CCND1: variants seen among roughly 807,000 people sequenced by gnomAD.
CCND1 encodes the protein G1/S-specific cyclin-D1.
In CCND1, 9 loss-of-function variants were observed where a neutral mutation model predicts 26.1. The ratio of observed to expected loss-of-function variants is 0.35; its 90% confidence interval spans 0.21 to 0.60. CCND1 has a LOEUF of 0.60. CCND1 is among the 20% of genes least tolerant of loss of function. The probability of loss-of-function intolerance (pLI) is 0.79; values close to 1 mark genes in which losing one functional copy is unlikely to be tolerated. For missense variants in CCND1, 335 were observed against 392.9 expected, an observed-to-expected ratio of 0.85 and a Z score of 1.25; for synonymous variants, 194 against 166.1, an observed-to-expected ratio of 1.17 and a Z score of -1.29.
chr11:69,653,802 T>C lies in CCND1; in HGVS notation c.*2520T>C. The C allele has an allele frequency of 3.3e-6, 1 of 304,674 alleles. No homozygotes were observed. The highest frequency in any genetic ancestry group is 6.1e-6 in the Non-Finnish European group (1 of 163,596). The allele number at this position is 304,674 out of a possible 1,614,324, so 18.9% of individuals were successfully genotyped here. On this transcript the variant is annotated 3_prime_UTR_variant, in exon 5 of 5. Coordinates refer to ENST00000227507, the MANE Select transcript of CCND1 (RefSeq NM_053056.3). The stretch of plus-strand genomic sequence containing the variant: ...TATTATTATTATAACAAGTGTGTCT[T>C]ACGTGCCACCACGGCGTTGTACCTG...
chr11:69,650,358 C>T (rs1240800038), intron 4 of CCND1, among the ~76,000 whole-genome samples: 14 of 152,336 alleles, frequency 9.2e-5, no homozygotes, highest in African/African-American at 2.6e-4. Flanking sequence ...CCTGGCTGGG[C>T]GTGGCGTTCC....
chr11:69,651,695 T>TA lies in CCND1; in HGVS notation c.*421dup, dbSNP rs981615909. ...GATTAGGTTCCATCCTTTACGTGTT[T>TA]AAAAAAAAGCATAAAAACATTTTAA... On this transcript the variant is annotated 3_prime_UTR_variant, in exon 5 of 5. Coordinates refer to ENST00000227507, the MANE Select transcript of CCND1 (RefSeq NM_053056.3). 5 of 237,520 alleles carry TA rather than the reference T, an allele frequency of 2.1e-5. No homozygotes were observed. Among genetic ancestry groups the TA allele is most frequent in the Admixed American group, 5.6e-5 (1 of 17,834 alleles). 14.7% of individuals were successfully genotyped at this position (237,520 alleles called of 1,614,324 possible). A position where few individuals can be genotyped will look rare whatever the true frequency, so the allele number is the denominator to read the frequency against.
intron 3 of CCND1, among the ~76,000 whole-genome samples, chr11:69,644,479 C>T (rs1045239238): frequency 1.3e-5 from 2 of 152,200 alleles, no homozygotes; most frequent in Admixed American, 6.5e-5. Flanking sequence ...GCACCACGTG[C>T]TCTGGGCAGC....
rs1855877134 is a variant in CCND1 at position 69,653,189 on chromosome 11, G to C, written c.*1907G>C. The C allele has an allele frequency of 1.5e-6, 1 of 668,408 alleles. No individual in the cohort carries two copies. The highest frequency in any genetic ancestry group is 2.7e-6 in the Non-Finnish European group (1 of 368,898). The allele number at this position is 668,408 out of a possible 1,614,324, so 41.4% of individuals were successfully genotyped here. ...GAGGTGTGAGGAGGAGGCTCCCGAG[G>C]GGAAGGGGCGGTGCCCACACCGGGG... On this transcript the variant is annotated 3_prime_UTR_variant, in exon 5 of 5. Coordinates refer to ENST00000227507, the MANE Select transcript of CCND1 (RefSeq NM_053056.3).
At position 69,653,468 on chromosome 11, in the gene CCND1, C is replaced by G. The variant is rs1203904411; in HGVS notation, c.*2186C>G. The G allele has an allele frequency of 8.4e-5, 49 of 580,264 alleles. No individual in the cohort carries two copies. In the South Asian group the frequency reaches 9.6e-4, roughly 11 times the overall value. The allele number at this position is 580,264 out of a possible 1,614,324, so 35.9% of individuals were successfully genotyped here. A position where few individuals can be genotyped will look rare whatever the true frequency, so the allele number is the denominator to read the frequency against. On this transcript the variant is annotated 3_prime_UTR_variant, in exon 5 of 5. Transcript: ENST00000227507. ...ATTTTGACTTAATGTGATTACTGCT[C>G]TATTCCAAAAAGGTTGCTGTTTCAC...
rs1038214162 is a variant in CCND1, at chr11:69,653,251, C to T, written c.*1969C>T. On this transcript the variant is annotated 3_prime_UTR_variant, in exon 5 of 5. Transcript: ENST00000227507. ...CTCCATTTTCTTATTGCGCTGCTAC[C>T]GTTGACTTCCAGGCACGGTTTGGAA... The T allele has an allele frequency of 5.7e-6, 4 of 701,584 alleles. No homozygotes were observed. The highest frequency in any genetic ancestry group is 1.7e-5 in the African/African-American group (1 of 57,146). 43.5% of individuals were successfully genotyped at this position (701,584 alleles called of 1,614,324 possible). A position where few individuals can be genotyped will look rare whatever the true frequency, so the allele number is the denominator to read the frequency against.
In CCND1 at chr11:69,651,582, C is replaced by T. The variant is rs1590916763; in HGVS notation, c.*300C>T. 3.2e-6 allele frequency: 1 copy of T among 311,792 alleles called. No individual in the cohort carries two copies. Among genetic ancestry groups the T allele is most frequent in the Non-Finnish European group, 5.8e-6 (1 of 171,396 alleles). 19.3% of individuals were successfully genotyped at this position (311,792 alleles called of 1,614,324 possible). A position where few individuals can be genotyped will look rare whatever the true frequency, so the allele number is the denominator to read the frequency against. ...GCTACAGATGATAGAGGATTTTATA[C>T]CCCAATAATCAACTCGTTTTTATAT... On this transcript the variant is annotated 3_prime_UTR_variant, in exon 5 of 5. Transcript: ENST00000227507.
chr11:69,641,884 C>T (rs1373650477), intron 1 of CCND1, among the ~76,000 whole-genome samples: 1 of 152,068 alleles, frequency 6.6e-6, no homozygotes, highest in East Asian at 1.9e-4. Flanking sequence ...GCCGCCAACT[C>T]CGGGGGGAGG....
At chr11:69,650,069 C>T (rs1855835362) in intron 4 of CCND1, among the ~76,000 whole-genome samples, 1 of 152,204 alleles carries the variant, frequency 6.6e-6, no homozygotes, top group Admixed American at 6.5e-5. Context: ...CCTGGGTCAT[C>T]GCCTGTCGTG....
At chr11:69,647,580 G>A (rs1030712774) in intron 3 of CCND1, among the ~76,000 whole-genome samples, 1 of 152,230 alleles carries the variant, frequency 6.6e-6, no homozygotes, top group Non-Finnish European at 1.5e-5. Context: ...TACTTGGGGT[G>A]AGGGTTAGGG....
In CCND1 at chr11:69,654,137, C is replaced by T; in HGVS notation, c.*2855C>T. 1 of 682,898 alleles carries T rather than the reference C, an allele frequency of 1.5e-6. No individual in the cohort carries two copies. Among genetic ancestry groups the T allele is most frequent in the Admixed American group, 2.0e-5 (1 of 49,222 alleles). 42.3% of individuals were successfully genotyped at this position (682,898 alleles called of 1,614,324 possible). On this transcript the variant is annotated 3_prime_UTR_variant, in exon 5 of 5. Coordinates refer to ENST00000227507, the MANE Select transcript of CCND1 (RefSeq NM_053056.3). This position sits in a 1 kb window ranked among gnomAD's most constrained non-coding sequence, Gnocchi z 6.3. The stretch of plus-strand genomic sequence containing the variant: ...ACAGGCCCACCCCGCCCCACCCCTC[C>T]AGAACACGGCTCACGCTTACCTCAA...
chr11:69,648,386 C>G (rs561257508), intron 4 of CCND1: 2 of 537,960 alleles, frequency 3.7e-6, no homozygotes, highest in African/African-American at 1.9e-5. Flanking sequence ...TTCCAGGAGC[C>G]GTAGAGTTTC....
chr11:69,642,040 C>A (rs1441034673), intron 1 of CCND1, among the ~76,000 whole-genome samples: 2 of 150,674 alleles, frequency 1.3e-5, no homozygotes, highest in Non-Finnish European at 3.0e-5. Context: ...GGGGAGCGGC[C>A]GCCGGGCGCT....
intron 3 of CCND1, among the ~76,000 whole-genome samples, chr11:69,647,102 G>A (rs1026452924): frequency 6.6e-6 from 1 of 152,240 alleles, no homozygotes; most frequent in South Asian, 2.1e-4. Context: ...TCCTCCAGGG[G>A]TGTCCCATGG....
At position 69,648,072 on chromosome 11, in the gene CCND1, G is replaced by C; in HGVS notation, c.653G>C (p.Arg218Thr). The C allele has an allele frequency of 6.2e-7, 1 of 1,614,018 alleles. No individual in the cohort carries two copies. The highest frequency in any genetic ancestry group is 1.1e-5 in the South Asian group (1 of 91,088). ...GCCGCAGTGCAAGGCCTGAACCTGA[G>C]GAGCCCCAACAACTTCCTGTCCTAC... ...VVAAVQGLNL[R>T]SPNNFLSYYR... Residue 218 changes from arginine (R) to threonine (T), a missense_variant, in exon 4 of 5, where the codon AGG (arginine) becomes ACG (threonine). Arg to Thr is a moderately conservative substitution (Grantham distance 71). Coordinates refer to ENST00000227507, the MANE Select transcript of CCND1 (RefSeq NM_053056.3).
chr11:69,648,713 G>A (rs200223328), intron 4 of CCND1, among the ~76,000 whole-genome samples: 1 of 149,402 alleles, frequency 6.7e-6, no homozygotes, highest in South Asian at 2.2e-4. Flanking sequence ...AATCAAAAGG[G>A]TTTGTGGCAT....
At chr11:69,642,753 C>G (rs1366314855) in intron 1 of CCND1, among the ~76,000 whole-genome samples, 1 of 151,854 alleles carries the variant, frequency 6.6e-6, no homozygotes, top group Non-Finnish European at 1.5e-5. Flanking sequence ...GTCCCGGGGG[C>G]CGGCAGCCCG....
Position 69,654,146 on chromosome 11 carries a change from GCT to G in CCND1, c.*2866_*2867del. The G allele has an allele frequency of 1.5e-6, 1 of 673,294 alleles. No homozygotes were observed. The highest frequency in any genetic ancestry group is 2.8e-5 in the East Asian group (1 of 36,160). The allele number at this position is 673,294 out of a possible 1,614,324, so 41.7% of individuals were successfully genotyped here. A position where few individuals can be genotyped will look rare whatever the true frequency, so the allele number is the denominator to read the frequency against. ...CCCCGCCCCACCCCTCCAGAACACGGCTCACGCTTACCTCAACCATCCTGGCT... is the reference window on the plus strand; with the variant it reads ...CCCCGCCCCACCCCTCCAGAACACGGCACGCTTACCTCAACCATCCTGGCT... On this transcript the variant is annotated 3_prime_UTR_variant, in exon 5 of 5. Coordinates refer to ENST00000227507, the MANE Select transcript of CCND1 (RefSeq NM_053056.3). This position sits in a 1 kb window ranked among gnomAD's most constrained non-coding sequence, Gnocchi z 6.3.
At chr11:69,642,174 C>T (rs1262961978) in intron 1 of CCND1, among the ~76,000 whole-genome samples, 1 of 151,664 alleles carries the variant, frequency 6.6e-6, no homozygotes, top group African/African-American at 2.4e-5. Flanking sequence ...CAGCGAGTCC[C>T]GGGGCGCCCC....
Sources: allele counts gnomAD v4.1 joint callset (sites outside exome capture counted in the v4.1 genomes callset), GRCh38; gene constraint gnomAD v4.1.1; non-coding constraint Gnocchi (gnomAD v3.1); transcripts MANE v1.5; gene names NCBI Gene and HGNC (gene_info 2026-07-23, HGNC 2026-07-21).